The following MACROD1 variants were observed in gnomAD, a reference collection of about 807,000 sequenced individuals.
The protein encoded by MACROD1 is ADP-ribose glycohydrolase MACROD1.
MACROD1 carries 31 observed loss-of-function variants against 41.4 expected under a neutral mutation model. That is an observed-to-expected ratio of 0.75 (90% CI 0.56 to 1.01). MACROD1 has a LOEUF of 1.01. Among genes scored for constraint, MACROD1 ranks in the 50% least tolerant of loss-of-function variants. The pLI is 0.00. For synonymous variants in MACROD1, 252 were observed against 203.4 expected (o/e 1.24, Z -2.03); for missense variants, 473 against 460.0 (o/e 1.03, Z -0.26).
intron 3 of MACROD1, among the ~76,000 whole-genome samples, chr11:64,145,401 T>C (rs1457462168): frequency 1.3e-5 from 2 of 152,178 alleles, no homozygotes; most frequent in Non-Finnish European, 2.9e-5. Flanking sequence ...CTCTGCTTAG[T>C]AGCTCTCGCT....
intron 3 of MACROD1, among the ~76,000 whole-genome samples, chr11:64,065,523 C>T (rs554199532): frequency 3.9e-5 from 6 of 152,172 alleles, no homozygotes; most frequent in Non-Finnish European, 5.9e-5. Flanking sequence ...GGCGCGGTGG[C>T]TCATGCCTGT....
chr11:64,100,174 G>A (rs1254171918), intron 3 of MACROD1, among the ~76,000 whole-genome samples: 2 of 152,194 alleles, frequency 1.3e-5, no homozygotes, highest in African/African-American at 2.4e-5. Context: ...AGGGAAGATG[G>A]CAAGGCAGAA....
At chr11:64,070,038 C>T (rs1840429587) in intron 3 of MACROD1, among the ~76,000 whole-genome samples, 1 of 152,144 alleles carries the variant, frequency 6.6e-6, no homozygotes, top group African/African-American at 2.4e-5. Context: ...TCCGCCAGAC[C>T]AGGCTCTGTG....
At chr11:64,076,302 A>G (rs1472479997) in intron 3 of MACROD1, among the ~76,000 whole-genome samples, 1 of 152,096 alleles carries the variant, frequency 6.6e-6, no homozygotes, top group African/African-American at 2.4e-5. Context: ...AAGACCCCAC[A>G]TGCCATGCTC....
At chr11:64,016,191 C>CG (rs2134342755) in intron 3 of MACROD1, among the ~76,000 whole-genome samples, 1 of 152,356 alleles carries the variant, frequency 6.6e-6, no homozygotes, top group Non-Finnish European at 1.5e-5. Flanking sequence ...GCAGCTGACA[C>CG]GGGGGCAAAG....
chr11:64,092,731 T>G (rs1351202008), intron 3 of MACROD1, among the ~76,000 whole-genome samples: 1 of 152,210 alleles, frequency 6.6e-6, no homozygotes, highest in Non-Finnish European at 1.5e-5. Flanking sequence ...ACCAGGCCCC[T>G]GCATGGCACA....
intron 3 of MACROD1, among the ~76,000 whole-genome samples, chr11:64,089,017 G>T (rs1276024707): frequency 2.0e-5 from 3 of 152,126 alleles, no homozygotes; most frequent in African/African-American, 7.2e-5. Context: ...CACTGGGAGG[G>T]CCACTGACAA....
chr11:64,000,541 G>A (rs1590787067), intron 4 of MACROD1, among the ~76,000 whole-genome samples, 198 bp from the exon 5 acceptor site: 1 of 151,524 alleles, frequency 6.6e-6, no homozygotes, highest in African/African-American at 2.4e-5. Context: ...GGCGCAGAGC[G>A]GGACGGCCCT....
intron 3 of MACROD1, among the ~76,000 whole-genome samples, chr11:64,149,550 G>A (rs1489912634): frequency 1.3e-5 from 2 of 152,202 alleles, no homozygotes; most frequent in African/African-American, 2.4e-5. Flanking sequence ...CATTCCATCT[G>A]AACCCATCAA....
rs1945031563 is a variant in MACROD1, at chr11:64,118,216, C to T, written c.517+33023G>A. On this transcript the variant is annotated intron_variant, in intron 3 of 10. Transcript: ENST00000255681. ...AACGGCAGCAGCCTCTGCAAGGCCA[C>T]ACACACCATTGGCTACGGCACCACG... 3.1e-6 allele frequency: 5 copies of T among 1,613,160 alleles called. No homozygotes were observed. Among genetic ancestry groups the T allele is most frequent in the Non-Finnish European group, 4.2e-6 (5 of 1,179,770 alleles).
At chr11:64,009,001 T>G (rs2134330300) in intron 4 of MACROD1, 1 of 152,316 alleles carries the variant, frequency 6.6e-6, no homozygotes, top group Middle Eastern at 3.4e-3. Flanking sequence ...CAGTCATGAT[T>G]TAGATGAATA....
In MACROD1 at chr11:64,165,716, G is replaced by C. The variant is rs376731658; in HGVS notation, c.279C>G (p.Thr93=). ...ACTTACATTTCGCCTCCTTCCAGTCGGTGGAGGTGCTCAGGTCCACCTTCG... is the reference window on the plus strand; with the variant it reads ...ACTTACATTTCGCCTCCTTCCAGTCCGTGGAGGTGCTCAGGTCCACCTTCG... The part of the protein sequence containing the change: ...MAAKVDLSTS[T]DWKEAKSFLK... The change falls in exon 1 of 11, where the codon ACC becomes ACG. Residue 93 remains threonine (T), a synonymous_variant. Coordinates refer to ENST00000255681, the MANE Select transcript of MACROD1 (RefSeq NM_014067.4). 2.4e-5 allele frequency: 36 copies of C among 1,472,282 alleles called. No individual in the cohort carries two copies. In the African/African-American group the frequency reaches 4.7e-4, roughly 19 times the overall value. The allele number at this position is 1,472,282 out of a possible 1,614,324, so 91.2% of individuals were successfully genotyped here. A position where few individuals can be genotyped will look rare whatever the true frequency, so the allele number is the denominator to read the frequency against.
chr11:64,043,766 A>C (rs1454584370), intron 3 of MACROD1, among the ~76,000 whole-genome samples: 3 of 152,066 alleles, frequency 2.0e-5, no homozygotes, highest in Non-Finnish European at 4.4e-5. Context: ...ACTGAGGCTC[A>C]GGCAGGTAAA....
At chr11:64,032,779 T>C (rs1943311461) in intron 3 of MACROD1, among the ~76,000 whole-genome samples, 1 of 152,044 alleles carries the variant, frequency 6.6e-6, no homozygotes, top group South Asian at 2.1e-4. Flanking sequence ...GACTGAACAG[T>C]GATCTTTCTG....
chr11:64,066,341 G>A (rs1590861713), intron 3 of MACROD1, among the ~76,000 whole-genome samples: 1 of 151,288 alleles, frequency 6.6e-6, no homozygotes, highest in East Asian at 1.9e-4. Context: ...GCCAAGCATG[G>A]GTGGCTCACA....
At chr11:64,152,457 A>G (rs1945596516) in intron 1 of MACROD1, 64 bp from the exon 2 acceptor site, 7 of 1,267,372 alleles carry the variant, frequency 5.5e-6, no homozygotes, top group East Asian at 2.3e-5. Flanking sequence ...TTGCACCCCC[A>G]CATCTCCTTT....
In MACROD1 at chr11:64,118,306, G is replaced by A. The variant is rs369302404; in HGVS notation, c.517+32933C>T. ...TCCTACACATGATGCCCGCCCACCC[G>A]GGCTGCCCCGCCTCAGCCCCAGCTG... On this transcript the variant is annotated intron_variant, in intron 3 of 10. Transcript: ENST00000255681. 76 of 1,537,254 alleles carry A rather than the reference G, an allele frequency of 4.9e-5. 2 individuals are homozygous for A. The South Asian group carries it at 7.6e-4, about 15-fold the overall frequency.
intron 3 of MACROD1, among the ~76,000 whole-genome samples, chr11:64,151,017 GTCTCAGTGGA>G (rs1945567509): frequency 6.6e-6 from 1 of 152,210 alleles, no homozygotes; most frequent in East Asian, 1.9e-4. Flanking sequence ...CCACTAATGG[GTCTCAGTGGA>G]GCAAGGCGCC....
chr11:64,030,497 T>C (rs1590814706), intron 3 of MACROD1, among the ~76,000 whole-genome samples: 1 of 152,106 alleles, frequency 6.6e-6, no homozygotes, highest in African/African-American at 2.4e-5. Context: ...GACAGTCTGG[T>C]GCAGAGATGA....
Sources: gnomAD v4.1 joint callset for allele counts (sites outside exome capture counted in the v4.1 genomes callset) on GRCh38, gnomAD v4.1.1 for gene constraint, MANE v1.5 for transcripts, NCBI Gene and HGNC (gene_info 2026-07-23, HGNC 2026-07-21) for gene names.